Variants in LGR6 observed in about 807,000 individuals in gnomAD.
The protein encoded by LGR6 is leucine-rich repeat-containing G protein-coupled receptor 6.
LGR6 carries 45 observed loss-of-function variants against 69.4 expected under a neutral mutation model. That is an observed-to-expected ratio of 0.65 (90% CI 0.51 to 0.83). The LOEUF is 0.83. LGR6 is among the 40% of genes least tolerant of loss of function. The probability of loss-of-function intolerance (pLI) is 0.00; values close to 1 mark genes in which losing one functional copy is unlikely to be tolerated. For missense variants in LGR6, 1,108 were observed against 1,246.7 expected, an observed-to-expected ratio of 0.89 and a Z score of 1.68; for synonymous variants, 538 against 555.0, an observed-to-expected ratio of 0.97 and a Z score of 0.43.
chr1:202,310,450 A>C (rs572862018), intron 16 of LGR6, 93 bp downstream of exon 16: 1 of 1,261,830 alleles, frequency 7.9e-7, no homozygotes, highest in East Asian at 2.4e-5. Context: ...GGAATCTGAC[A>C]GCAGCTGCAG....
At chr1:202,226,698 A>G (rs896548) in intron 2 of LGR6, among the ~76,000 whole-genome samples, 48,567 of 152,164 alleles carry the variant, frequency 0.32, 8,503 homozygotes, top group Non-Finnish European at 0.4. Flanking sequence ...GGTGAGGCTG[A>G]AGAGTAGTGT....
intron 1 of LGR6, among the ~76,000 whole-genome samples, chr1:202,223,037 G>T (rs1396087856): frequency 6.6e-6 from 1 of 151,480 alleles, no homozygotes; most frequent in African/African-American, 2.4e-5. Flanking sequence ...GGAGGCGAAG[G>T]TTGCAGTGAG....
chr1:202,198,982 G>A (rs1340220608), intron 1 of LGR6, among the ~76,000 whole-genome samples: 2 of 152,090 alleles, frequency 1.3e-5, no homozygotes, highest in East Asian at 1.9e-4. Context: ...TCCTCCTTCC[G>A]GAAACTTGGG....
chr1:202,254,752 A>G (rs1439402897), intron 4 of LGR6, among the ~76,000 whole-genome samples: 1 of 152,104 alleles, frequency 6.6e-6, no homozygotes, highest in Non-Finnish European at 1.5e-5. Context: ...CCAGTTTTGA[A>G]GGTAGAATAG....
intron 5 of LGR6, 120 bp from the exon 6 acceptor site, chr1:202,280,661 C>T (rs1262551266): frequency 1.1e-6 from 1 of 882,540 alleles, no homozygotes; most frequent in Non-Finnish European, 1.9e-6. Flanking sequence ...ACGGATGGAC[C>T]ATTAGGGTCA....
chr1:202,205,169 ACTTCCTTCAAACACACAC>A (rs1558004687), intron 1 of LGR6, among the ~76,000 whole-genome samples: 15 of 63,392 alleles, frequency 2.4e-4, no homozygotes, highest in Non-Finnish European at 4.0e-4. Flanking sequence ...CCTAACACAC[ACTTCCTTCAAACACACAC>A]CCTCGAAACA....
Position 202,317,974 on chromosome 1 carries a change from C to A in LGR6, c.1671C>A (p.Tyr557Ter). Residue 557 changes from tyrosine to a stop codon, truncating the protein, a stop_gained, in exon 18 of 18, where the codon TAC becomes TAA. Coordinates refer to ENST00000367278, the MANE Select transcript of LGR6 (RefSeq NM_001017403.2). LOFTEE classifies it low-confidence loss of function (END_TRUNC). Reference protein sequence around the residue: ...PTPGPFKPCEYLFESWGIRLA... With the variant: ...PTPGPFKPCE ...CAGGCCCCTTCAAGCCCTGTGAGTA[C>A]CTCTTTGAAAGCTGGGGCATCCGCC... 6.2e-7 allele frequency: 1 copy of A among 1,612,596 alleles called. No individual in the cohort carries two copies. The highest frequency in any genetic ancestry group is 2.2e-5 in the East Asian group (1 of 44,872).
intron 1 of LGR6, among the ~76,000 whole-genome samples, chr1:202,216,367 G>A (rs1659783134): frequency 6.6e-6 from 1 of 152,194 alleles, no homozygotes. Context: ...TGGCAGAGCT[G>A]GAAATCAAAC....
At chr1:202,215,282 T>G (rs1659702482) in intron 1 of LGR6, among the ~76,000 whole-genome samples, 1 of 152,202 alleles carries the variant, frequency 6.6e-6, no homozygotes, top group Non-Finnish European at 1.5e-5. Flanking sequence ...CCCCAATCCT[T>G]GTGCACCCTA....
At chr1:202,254,801 C>T (rs753868136) in intron 4 of LGR6, among the ~76,000 whole-genome samples, 1 of 151,238 alleles carries the variant, frequency 6.6e-6, no homozygotes, top group Non-Finnish European at 1.5e-5. Context: ...TGGCTCATGC[C>T]TGTGATAGTA....
At chr1:202,301,069 G>T in intron 8 of LGR6, 95 bp from the exon 9 acceptor site, 1 of 1,376,432 alleles carries the variant, frequency 7.3e-7, no homozygotes, top group Non-Finnish European at 1.0e-6. Flanking sequence ...TCTTTCCTGG[G>T]TCTACATTGA....
chr1:202,194,050 A>T lies in LGR6; in HGVS notation c.61A>T (p.Arg21Trp). The change falls in exon 1 of 18, where the codon AGG becomes TGG. Residue 21 changes from arginine to tryptophan, a missense_variant. By Grantham distance (101) the Arg-to-Trp change is moderately radical. Transcript: ENST00000367278. ...WLCAALCASR[R>W]AGGAPQPGPG... ...TTGCGCCGCGCTGTGCGCTTCCCGG[A>T]GGGCCGGCGGCGCCCCCCAGCCCGG... is the stretch of plus-strand genomic sequence containing the variant. The T allele has an allele frequency of 3.6e-6, 5 of 1,388,238 alleles. No homozygotes were observed. The highest frequency in any genetic ancestry group is 4.6e-6 in the Non-Finnish European group (5 of 1,078,544). The allele number at this position is 1,388,238 out of a possible 1,614,324, so 86.0% of individuals were successfully genotyped here. A position where few individuals can be genotyped will look rare whatever the true frequency, so the allele number is the denominator to read the frequency against.
At chr1:202,204,752 C>CACACACACCTA (rs1659037892) in intron 1 of LGR6, among the ~76,000 whole-genome samples, 2 of 111,922 alleles carry the variant, frequency 1.8e-5, no homozygotes, top group Admixed American at 9.1e-5. Flanking sequence ...CCTCCAAACA[C>CACACACACCTA]ACACACACAC....
intron 6 of LGR6, among the ~76,000 whole-genome samples, chr1:202,290,015 A>G (rs531931070): frequency 1.3e-4 from 20 of 152,360 alleles, no homozygotes; most frequent in Admixed American, 1.1e-3. Flanking sequence ...CTTAATTGCT[A>G]TGAAAAGGGG....
chr1:202,237,717 A>G (rs16849778), intron 4 of LGR6, among the ~76,000 whole-genome samples: 4,007 of 152,284 alleles, frequency 0.026, 84 homozygotes, highest in East Asian at 0.09. Context: ...TTGCCTGGGT[A>G]TAACAGGGCA....
chr1:202,224,011 C>T (rs1484904523), intron 1 of LGR6, among the ~76,000 whole-genome samples: 2 of 151,878 alleles, frequency 1.3e-5, no homozygotes, highest in Non-Finnish European at 2.9e-5. Context: ...AGCACCCTAC[C>T]AGCTTGGTGC....
chr1:202,318,090 CG>C lies in LGR6; in HGVS notation c.1789del (p.Val597SerfsTer5), dbSNP rs776188912. ...GCTGGCGGGCCTGTCCCCCTGCCCC[CG>C]GTCAAGTTTGTGGTAGGTGCGATTG... ...VFAGGPVPLP[P>X]VKFVVGAIAG... On this transcript the variant is annotated frameshift_variant, in exon 18 of 18. Coordinates refer to ENST00000367278, the MANE Select transcript of LGR6 (RefSeq NM_001017403.2). LOFTEE classifies it low-confidence loss of function (END_TRUNC). The C allele has an allele frequency of 6.2e-7, 1 of 1,614,182 alleles. No individual in the cohort carries two copies. Among genetic ancestry groups the C allele is most frequent in the Non-Finnish European group, 8.5e-7 (1 of 1,180,028 alleles).
intron 10 of LGR6, among the ~76,000 whole-genome samples, chr1:202,304,338 TC>T (rs1667819097): frequency 6.6e-6 from 1 of 152,028 alleles, no homozygotes; most frequent in Non-Finnish European, 1.5e-5. Flanking sequence ...TCCACTCCCC[TC>T]CCCCAGCTCC....
chr1:202,234,363 T>C (rs1199226964), intron 3 of LGR6, among the ~76,000 whole-genome samples: 2 of 152,232 alleles, frequency 1.3e-5, no homozygotes, highest in Non-Finnish European at 2.9e-5. Context: ...CACAGTGAGA[T>C]CAGCATTCTT....
Sources: allele counts gnomAD v4.1 joint callset (sites outside exome capture counted in the v4.1 genomes callset), GRCh38; gene constraint gnomAD v4.1.1; transcripts MANE v1.5; gene names NCBI Gene and HGNC (gene_info 2026-07-23, HGNC 2026-07-21).